The following ARHGEF28 variants were observed in gnomAD, a reference collection of about 807,000 sequenced individuals.
ARHGEF28 encodes the protein Rho guanine nucleotide exchange factor 28.
A neutral mutation model predicts 206.6 loss-of-function variants in ARHGEF28; 152 were observed. The ratio of observed to expected loss-of-function variants is 0.74; its 90% CI spans 0.64 to 0.84. The LOEUF (loss-of-function observed/expected upper bound fraction) is 0.84. ARHGEF28 is among the 40% of genes least tolerant of loss of function. The pLI, the probability that ARHGEF28 is intolerant of heterozygous loss-of-function variation, is 0.00. For missense variants in ARHGEF28, 2,028 were observed against 2,073.2 expected (o/e 0.98, Z 0.42); for synonymous variants, 763 against 776.4 (o/e 0.98, Z 0.29).
At position 73,897,720 on chromosome 5, in the gene ARHGEF28, C is replaced by T. The variant is rs866470764; in HGVS notation, c.3842-242C>T. On this transcript the variant is annotated intron_variant, in intron 29 of 35. Transcript: ENST00000513042. ...TCTGCAAACTTTTCCTATAAAGGGC[C>T]AGATACTAAGTATTTTGGGTTTTGT... Among the ~76,000 whole-genome samples, 9 of 152,250 alleles carry T rather than the reference C, an allele frequency of 5.9e-5. No homozygotes were observed. The Middle Eastern group carries it at 0.017, about 288-fold the overall frequency.
At chr5:73,849,136 G>C in intron 13 of ARHGEF28, 49 bp downstream of exon 13, 1 of 1,309,616 alleles carries the variant, frequency 7.6e-7, no homozygotes, top group South Asian at 1.3e-5. Flanking sequence ...TTCCAGAACA[G>C]ATTTTTCAGT....
intron 9 of ARHGEF28, chr5:73,813,480 C>T: frequency 2.0e-6 from 3 of 1,488,726 alleles, no homozygotes; most frequent in South Asian, 2.6e-5. Context: ...CATCCAATCT[C>T]ATTCCTTCCC....
intron 10 of ARHGEF28, among the ~76,000 whole-genome samples, 167 bp downstream of exon 10, chr5:73,832,626 A>C (rs1351744823): frequency 1.3e-5 from 2 of 152,192 alleles, no homozygotes; most frequent in African/African-American, 4.8e-5. Flanking sequence ...CATTTAACTT[A>C]GGTGCTTACT....
intron 2 of ARHGEF28, among the ~76,000 whole-genome samples, chr5:73,742,326 T>C (rs1234965992): frequency 6.6e-6 from 1 of 152,160 alleles, no homozygotes; most frequent in Non-Finnish European, 1.5e-5. Flanking sequence ...TATAGTTGGA[T>C]GTATATCTAC....
chr5:73,889,070 G>C (rs905959849), intron 26 of ARHGEF28, among the ~76,000 whole-genome samples: 4 of 152,192 alleles, frequency 2.6e-5, no homozygotes, highest in African/African-American at 9.7e-5. Context: ...ACATCTATCT[G>C]ACAATAGCCC....
At chr5:73,741,339 A>ATG (rs1469338639) in intron 2 of ARHGEF28, among the ~76,000 whole-genome samples, 8 of 80,444 alleles carry the variant, frequency 9.9e-5, no homozygotes, top group South Asian at 8.9e-4. Context: ...TTTTAAATTT[A>ATG]TATGTGTGTG....
intron 35 of ARHGEF28, among the ~76,000 whole-genome samples, chr5:73,920,292 A>G (rs1333245942): frequency 6.6e-6 from 1 of 152,208 alleles, no homozygotes; most frequent in Non-Finnish European, 1.5e-5. Context: ...TGCCTTTAAT[A>G]TCTTACTGGA....
At chr5:73,835,590 T>C (rs1014245795) in intron 10 of ARHGEF28, among the ~76,000 whole-genome samples, 1 of 151,964 alleles carries the variant, frequency 6.6e-6, no homozygotes, top group African/African-American at 2.4e-5. Context: ...CCTTCCGGAG[T>C]TCCTTGCCCT....
At chr5:73,794,574 C>A in intron 8 of ARHGEF28, 120 bp downstream of exon 8, 1 of 789,058 alleles carries the variant, frequency 1.3e-6, no homozygotes, top group Non-Finnish European at 2.0e-6. Context: ...AAGTCACTTT[C>A]AGAATAATGT....
At chr5:73,910,518 G>A (rs1474229037) in intron 34 of ARHGEF28, among the ~76,000 whole-genome samples, 1 of 151,446 alleles carries the variant, frequency 6.6e-6, no homozygotes, top group Non-Finnish European at 1.5e-5. Flanking sequence ...GGGTGGGTTT[G>A]TCCTGGAGGC....
chr5:73,908,514 C>T (rs1762672158), intron 33 of ARHGEF28: 1 of 152,166 alleles, frequency 6.6e-6, no homozygotes, highest in African/African-American at 2.4e-5. Context: ...TAAATGGGAA[C>T]TTTTAAAATT....
intron 1 of ARHGEF28, among the ~76,000 whole-genome samples, chr5:73,666,220 T>A (rs1745945159): frequency 6.6e-6 from 1 of 152,126 alleles, no homozygotes. Context: ...CAGAGGATAA[T>A]CTCCTTTGAT....
intron 1 of ARHGEF28, among the ~76,000 whole-genome samples, chr5:73,628,996 T>C (rs962537753): frequency 1.3e-5 from 2 of 152,208 alleles, no homozygotes; most frequent in Non-Finnish European, 2.9e-5. Context: ...ACAATCTCTA[T>C]TATGGGGCTC....
chr5:73,875,240 T>A (rs1355420506), intron 22 of ARHGEF28, among the ~76,000 whole-genome samples: 2 of 152,244 alleles, frequency 1.3e-5, no homozygotes, highest in African/African-American at 2.4e-5. Context: ...TCTGTTCATA[T>A]CCTTCACCCA....
chr5:73,941,107 C>G lies in ARHGEF28; in HGVS notation c.*94C>G. The G allele has an allele frequency of 8.4e-7, 1 of 1,190,166 alleles. No individual in the cohort carries two copies. The highest frequency in any genetic ancestry group is 1.6e-5 in the African/African-American group (1 of 63,498). The allele number at this position is 1,190,166 out of a possible 1,614,324, so 73.7% of individuals were successfully genotyped here. On this transcript the variant is annotated 3_prime_UTR_variant, in exon 36 of 36. Transcript: ENST00000513042. ...CTTATGTATGTGTGATTGTCTGTGT[C>G]CAAATTGCTTTAAGAATAATATTTA...
intron 35 of ARHGEF28, among the ~76,000 whole-genome samples, chr5:73,940,201 G>A (rs1374440021): frequency 2.6e-5 from 4 of 152,160 alleles, no homozygotes; most frequent in Non-Finnish European, 5.9e-5. Context: ...TCAGAAAAAG[G>A]GAGAATACAC....
intron 1 of ARHGEF28, among the ~76,000 whole-genome samples, chr5:73,672,156 A>G (rs182108885): frequency 1.3e-5 from 2 of 152,256 alleles, no homozygotes; most frequent in East Asian, 3.9e-4. Flanking sequence ...TCTCTGGCAA[A>G]AGGACTCCTG....
intron 1 of ARHGEF28, among the ~76,000 whole-genome samples, chr5:73,664,200 G>T (rs1745801096): frequency 6.6e-6 from 1 of 152,222 alleles, no homozygotes; most frequent in South Asian, 2.1e-4. Context: ...TGGCCAAGGG[G>T]CCAACAACCT....
intron 11 of ARHGEF28, among the ~76,000 whole-genome samples, chr5:73,843,117 A>G (rs1758091751): frequency 6.6e-6 from 1 of 152,284 alleles, no homozygotes; most frequent in South Asian, 2.1e-4. Flanking sequence ...TTTTATTGAT[A>G]CTTATGCAGA....
Sources: allele counts gnomAD v4.1 joint callset (sites outside exome capture counted in the v4.1 genomes callset), GRCh38; gene constraint gnomAD v4.1.1; transcripts MANE v1.5; gene names NCBI Gene and HGNC (gene_info 2026-07-23, HGNC 2026-07-21).